Variants in PPARGC1A observed in about 807,000 individuals in gnomAD.
PPARGC1A encodes the protein PPARG coactivator 1 alpha.
A neutral mutation model predicts 88.7 loss-of-function variants in PPARGC1A; 25 were observed. The ratio of observed to expected loss-of-function variants is 0.28; its 90% CI spans 0.21 to 0.39. The LOEUF (loss-of-function observed/expected upper bound fraction) is 0.39, where lower values mean the gene tolerates loss of function less well. Among genes scored for constraint, PPARGC1A ranks in the 10% least tolerant of loss-of-function variants. The probability of loss-of-function intolerance (pLI) is 1.00; values close to 1 mark genes in which losing one functional copy is unlikely to be tolerated. For synonymous variants in PPARGC1A, 363 were observed against 355.6 expected (o/e 1.02, Z -0.24); for missense variants, 880 against 968.7 (o/e 0.91, Z 1.22).
the PPARGC1A span, among the ~76,000 whole-genome samples, chr4:24,135,865 G>T: frequency 2.0e-5 from 3 of 152,260 alleles, no homozygotes; most frequent in Admixed American, 2.0e-4. Context: ...GCTTCTTCAT[G>T]CATCGCTATC....
At chr4:23,839,849 A>C (rs1038756808) in intron 2 of PPARGC1A, among the ~76,000 whole-genome samples, 3 of 151,986 alleles carry the variant, frequency 2.0e-5, no homozygotes, top group Non-Finnish European at 4.4e-5. Context: ...AAACCATTAG[A>C]TCTCGTGCGA....
chr4:23,889,091 CCT>C (rs1717398595), intron 1 of PPARGC1A: 1 of 985,248 alleles, frequency 1.0e-6, no homozygotes, highest in Non-Finnish European at 1.2e-6. Flanking sequence ...TATTTTCCCC[CCT>C]GTATGAATTG....
chr4:24,233,359 TTCTC>T, the PPARGC1A span, among the ~76,000 whole-genome samples: 8 of 150,714 alleles, frequency 5.3e-5, no homozygotes, highest in Non-Finnish European at 1.0e-4. Context: ...CTCTCTGTCT[TTCTC>T]TCTCTCTCTC....
At chr4:24,238,367 T>A in the PPARGC1A span, among the ~76,000 whole-genome samples, 1 of 152,214 alleles carries the variant, frequency 6.6e-6, no homozygotes, top group East Asian at 1.9e-4. Flanking sequence ...ACTGATTAGC[T>A]AGAGAACTTG....
At chr4:23,903,900 C>G, upstream of PPARGC1A, 1 of 362,266 alleles carries the variant, frequency 2.8e-6, no homozygotes, top group Non-Finnish European at 3.8e-6. Flanking sequence ...ATATATGTAT[C>G]TTTAAAAGCC....
At chr4:24,042,017 T>C in the PPARGC1A span, among the ~76,000 whole-genome samples, 8 of 152,208 alleles carry the variant, frequency 5.3e-5, no homozygotes, top group Non-Finnish European at 1.2e-4. Flanking sequence ...TCTCATATTA[T>C]GTATTTATCA....
At chr4:24,200,073 G>A in the PPARGC1A span, among the ~76,000 whole-genome samples, 2 of 152,160 alleles carry the variant, frequency 1.3e-5, no homozygotes, top group Admixed American at 1.3e-4. Flanking sequence ...TATCAACACA[G>A]AGAAATAGAT....
At chr4:23,824,952 C>T (rs1223302995) in intron 5 of PPARGC1A, among the ~76,000 whole-genome samples, 2 of 152,118 alleles carry the variant, frequency 1.3e-5, no homozygotes, top group African/African-American at 4.8e-5. Context: ...ATAGTTATTT[C>T]TATGAGGCCA....
At chr4:24,061,055 G>GA in the PPARGC1A span, among the ~76,000 whole-genome samples, 221 of 145,684 alleles carry the variant, frequency 1.5e-3, 2 homozygotes, top group African/African-American at 3.3e-3. Flanking sequence ...TATTTGTTCT[G>GA]GAAAAAAAAA....
chr4:24,433,794 T>A, the PPARGC1A span, among the ~76,000 whole-genome samples: 1 of 152,188 alleles, frequency 6.6e-6, no homozygotes, highest in East Asian at 1.9e-4. Context: ...GAGCACATGT[T>A]CTGTTCCCTG....
the PPARGC1A span, among the ~76,000 whole-genome samples, chr4:24,269,842 C>T: frequency 6.6e-6 from 1 of 152,166 alleles, no homozygotes; most frequent in Non-Finnish European, 1.5e-5. Flanking sequence ...CTTGTGCAAA[C>T]TTGTATAAAG....
At chr4:23,957,267 C>T in the PPARGC1A span, among the ~76,000 whole-genome samples, 111,031 of 151,918 alleles carry the variant, frequency 0.73, 41,739 homozygotes, top group Non-Finnish European at 0.84. Context: ...CTCCCTCTCT[C>T]CCCAACATAT....
the PPARGC1A span, among the ~76,000 whole-genome samples, chr4:24,110,384 C>A: frequency 2.0e-5 from 3 of 152,134 alleles, no homozygotes; most frequent in African/African-American, 4.8e-5. Flanking sequence ...CAGATAGATA[C>A]CTGAATTGCA....
chr4:23,794,417 G>A lies in PPARGC1A; in HGVS notation c.*1405C>T, dbSNP rs1717146543. On this transcript the variant is annotated 3_prime_UTR_variant, in exon 13 of 13. Coordinates refer to ENST00000264867, the MANE Select transcript of PPARGC1A (RefSeq NM_013261.5). ...GTGGTTAATACCTTTAGGGGACTAGGATATTTCTTGACAAGATGCTTAGAT... is the reference window on the plus strand; with the variant it reads ...GTGGTTAATACCTTTAGGGGACTAGAATATTTCTTGACAAGATGCTTAGAT... 2 of 152,482 alleles carry A rather than the reference G, an allele frequency of 1.3e-5. No homozygotes were observed. The highest frequency in any genetic ancestry group is 1.3e-4 in the Admixed American group (2 of 15,260). The allele number at this position is 152,482 out of a possible 1,614,324, so 9.4% of individuals were successfully genotyped here.
the PPARGC1A span, among the ~76,000 whole-genome samples, chr4:24,298,520 T>A: frequency 6.6e-6 from 1 of 152,174 alleles, no homozygotes; most frequent in East Asian, 1.9e-4. Flanking sequence ...CATTGATATA[T>A]GCATTCTCCA....
At chr4:24,004,334 T>G in the PPARGC1A span, among the ~76,000 whole-genome samples, 1 of 152,198 alleles carries the variant, frequency 6.6e-6, no homozygotes, top group Non-Finnish European at 1.5e-5. Flanking sequence ...ATGAATGAAC[T>G]GAGAAACAGA....
At chr4:24,094,079 A>G in the PPARGC1A span, among the ~76,000 whole-genome samples, 65 of 152,236 alleles carry the variant, frequency 4.3e-4, no homozygotes, top group Middle Eastern at 3.4e-3. Flanking sequence ...CTTGATTCTC[A>G]GCCCGCTCTT....
At chr4:24,050,235 G>A in the PPARGC1A span, among the ~76,000 whole-genome samples, 19 of 119,004 alleles carry the variant, frequency 1.6e-4, no homozygotes, top group Admixed American at 8.8e-4. Context: ...TTGCTCTGTC[G>A]CCCAGGCTGG....
At chr4:24,146,062 G>T in the PPARGC1A span, among the ~76,000 whole-genome samples, 1 of 152,296 alleles carries the variant, frequency 6.6e-6, no homozygotes, top group African/African-American at 2.4e-5. Context: ...AGTTAAGCAG[G>T]TTTGTTTTAC....
Sources: allele counts gnomAD v4.1 joint callset (sites outside exome capture counted in the v4.1 genomes callset), GRCh38; gene constraint gnomAD v4.1.1; transcripts MANE v1.5; gene names NCBI Gene and HGNC (gene_info 2026-07-23, HGNC 2026-07-21).